Variants in TRABD2B observed in about 807,000 individuals in gnomAD.
The protein encoded by TRABD2B is TraB domain containing 2B, also known as metalloprotease TIKI2.
A neutral mutation model predicts 40.1 loss-of-function variants in TRABD2B; 14 were observed. The observed-to-expected ratio is 0.35, with a 90% confidence interval of 0.23 to 0.55. The LOEUF (loss-of-function observed/expected upper bound fraction) is 0.55, where lower values mean the gene tolerates loss of function less well. Among genes scored for constraint, TRABD2B ranks in the 20% least tolerant of loss-of-function variants. TRABD2B has a pLI of 0.90. For missense variants in TRABD2B, 541 were observed against 648.6 expected, an observed-to-expected ratio of 0.83 and a Z score of 1.80; for synonymous variants, 263 against 277.0, an observed-to-expected ratio of 0.95 and a Z score of 0.50.
In TRABD2B at chr1:47,785,693, C is replaced by T. The variant is rs1644586288; in HGVS notation, c.989-7149G>A. ...AGGCAATGGCCATGCAGGCTGATTCCAGGTCAGCACAGGACAGAGCCTGTG... is the reference window on the plus strand; with the variant it reads ...AGGCAATGGCCATGCAGGCTGATTCTAGGTCAGCACAGGACAGAGCCTGTG... On this transcript the variant is annotated intron_variant, in intron 4 of 6. Transcript: ENST00000606738. 2.6e-5 allele frequency among the ~76,000 whole-genome samples: 4 copies of T among 152,210 alleles called. No individual in the cohort carries two copies. In the South Asian group the frequency reaches 8.3e-4, roughly 32 times the overall value.
intron 2 of TRABD2B, among the ~76,000 whole-genome samples, chr1:47,974,479 C>T (rs1481204089): frequency 1.3e-5 from 2 of 152,192 alleles, no homozygotes; most frequent in Non-Finnish European, 2.9e-5. Flanking sequence ...AGCCTGGTCC[C>T]TCTCTAGCCT....
chr1:47,964,144 T>C (rs1645563669), intron 2 of TRABD2B, among the ~76,000 whole-genome samples: 1 of 152,210 alleles, frequency 6.6e-6, no homozygotes, highest in African/African-American at 2.4e-5. Flanking sequence ...CCTGGAATGT[T>C]GGACCGAGTT....
At chr1:47,771,631 A>G (rs958157002) in intron 6 of TRABD2B, among the ~76,000 whole-genome samples, 2 of 152,204 alleles carry the variant, frequency 1.3e-5, no homozygotes, top group African/African-American at 4.8e-5. Flanking sequence ...CCCACGCTGC[A>G]CAGAAATGAC....
chr1:47,964,557 G>A (rs1000415976), intron 2 of TRABD2B, among the ~76,000 whole-genome samples: 3 of 152,110 alleles, frequency 2.0e-5, no homozygotes, highest in Non-Finnish European at 4.4e-5. Flanking sequence ...TGCCAGTCCA[G>A]GCTTCTAATC....
chr1:47,827,476 TGGCCAA>T (rs999258104), intron 2 of TRABD2B, among the ~76,000 whole-genome samples: 38 of 152,290 alleles, frequency 2.5e-4, no homozygotes, highest in Non-Finnish European at 4.6e-4. Context: ...GGGGTGGAGC[TGGCCAA>T]GGGAGCTCCT....
intron 2 of TRABD2B, among the ~76,000 whole-genome samples, chr1:47,805,866 T>C (rs531770119): frequency 2.0e-3 from 296 of 151,598 alleles, no homozygotes; most frequent in South Asian, 7.9e-3. Context: ...TTGCCAAAGG[T>C]GACAAAGCTG....
rs1236008749 is a variant in TRABD2B at position 47,794,724 on chromosome 1, C to G, written c.850G>C (p.Glu284Gln). 20 of 1,532,948 alleles carry G rather than the reference C, an allele frequency of 1.3e-5. No homozygotes were observed. In the Admixed American group the frequency reaches 3.9e-4, roughly 30 times the overall value. The allele number at this position is 1,532,948 out of a possible 1,614,324, so 95.0% of individuals were successfully genotyped here. A position where few individuals can be genotyped will look rare whatever the true frequency, so the allele number is the denominator to read the frequency against. ...TCAATCTCCTGGGCCGTCACCTGCT[C>G]GTGTGGCGGGAGGGTGGTGTTGATA... ...NFINTTLPPH[E>Q]QVTAQEIDSY... Residue 284 changes from glutamate to glutamine, a missense_variant, in exon 4 of 7, where the codon GAG becomes CAG. Physicochemically the swap from Glu to Gln is conservative, Grantham distance 29 (BLOSUM62 2). Transcript: ENST00000606738.
intron 2 of TRABD2B, among the ~76,000 whole-genome samples, chr1:47,970,749 C>A (rs1645669671): frequency 1.3e-5 from 2 of 152,122 alleles, no homozygotes; most frequent in African/African-American, 4.8e-5. Flanking sequence ...GGACTCAGGT[C>A]TGCTGTGTGC....
At chr1:47,820,449 A>G (rs776889082) in intron 2 of TRABD2B, among the ~76,000 whole-genome samples, 6 of 152,220 alleles carry the variant, frequency 3.9e-5, no homozygotes, top group Non-Finnish European at 8.8e-5. Context: ...ACGAGAACAC[A>G]TGTTTAGACA....
chr1:47,994,439 G>C lies in TRABD2B; in HGVS notation c.261C>G (p.Asp87Glu). The change falls in exon 2 of 7, where the codon GAC becomes GAG. Residue 87 changes from aspartate (D) to glutamate (E), a missense_variant. Transcript: ENST00000606738. This position sits in a 1 kb window ranked among gnomAD's most constrained non-coding sequence, Gnocchi z 6.7. ...CCGAGATGGTGTAGGGGTCTGTAAG[G>C]TCCAGCTCAAAGTAGACACGGGTGC... ...QASTRVYFEL[D>E]LTDPYTISAL... The C allele has an allele frequency of 6.5e-7, 1 of 1,536,170 alleles. No homozygotes were observed. Among genetic ancestry groups the C allele is most frequent in the Non-Finnish European group, 8.7e-7 (1 of 1,146,918 alleles).
chr1:47,894,022 T>C (rs1230703065), intron 2 of TRABD2B, among the ~76,000 whole-genome samples: 1 of 152,218 alleles, frequency 6.6e-6, no homozygotes, highest in South Asian at 2.1e-4. Context: ...CTTACTTATA[T>C]TGTCAGCCTA....
intron 2 of TRABD2B, among the ~76,000 whole-genome samples, chr1:47,937,381 T>C (rs550767647): frequency 1.3e-5 from 2 of 151,408 alleles, no homozygotes; most frequent in South Asian, 2.1e-4. Context: ...ATCATCACCA[T>C]CACCATCATA....
chr1:47,778,012 G>T (rs780807955), intron 5 of TRABD2B, among the ~76,000 whole-genome samples: 20 of 152,318 alleles, frequency 1.3e-4, no homozygotes, highest in Admixed American at 3.9e-4. Flanking sequence ...GACAGCAACG[G>T]AGAAGGTGAG....
At chr1:47,987,750 AG>A (rs1645940207) in intron 2 of TRABD2B, among the ~76,000 whole-genome samples, 1 of 152,184 alleles carries the variant, frequency 6.6e-6, no homozygotes, top group Non-Finnish European at 1.5e-5. Flanking sequence ...GGTCCCTGCT[AG>A]GGGACACCCG....
chr1:47,835,929 G>A (rs1303197466), intron 2 of TRABD2B, among the ~76,000 whole-genome samples: 1 of 152,190 alleles, frequency 6.6e-6, no homozygotes, highest in Non-Finnish European at 1.5e-5. Flanking sequence ...TTCTTCATTT[G>A]TGACTTTTTT....
chr1:47,762,260 G>C lies in TRABD2B; in HGVS notation c.*3642C>G, dbSNP rs1444164031. 1.3e-5 allele frequency: 2 copies of C among 152,214 alleles called. No individual in the cohort carries two copies. The highest frequency in any genetic ancestry group is 2.9e-5 in the Non-Finnish European group (2 of 68,058). The allele number at this position is 152,214 out of a possible 1,614,324, so 9.4% of individuals were successfully genotyped here. ...ACATGAGAGACGTGGCTGGTCAGCA[G>C]GGTTGGGTCACGAAGGGTCTAGCGG... is the stretch of plus-strand genomic sequence containing the variant. On this transcript the variant is annotated 3_prime_UTR_variant, in exon 7 of 7. Coordinates refer to ENST00000606738, the MANE Select transcript of TRABD2B (RefSeq NM_001194986.2).
intron 2 of TRABD2B, among the ~76,000 whole-genome samples, chr1:47,963,990 C>T (rs1215894150): frequency 1.3e-5 from 2 of 152,214 alleles, no homozygotes; most frequent in East Asian, 3.8e-4. Flanking sequence ...AGGCCATGGT[C>T]ACCGTGAGGC....
intron 2 of TRABD2B, among the ~76,000 whole-genome samples, chr1:47,911,755 G>A (rs1489464000): frequency 2.0e-5 from 3 of 152,220 alleles, no homozygotes; most frequent in Non-Finnish European, 4.4e-5. Context: ...CCACCAGGAC[G>A]GGCTACATAA....
chr1:47,769,183 TA>T (rs11398500), intron 6 of TRABD2B, among the ~76,000 whole-genome samples: 2 of 150,758 alleles, frequency 1.3e-5, no homozygotes, highest in African/African-American at 2.4e-5. Flanking sequence ...AAAACAAAAA[TA>T]AAAAAAAAGA....
Sources: allele counts gnomAD v4.1 joint callset (sites outside exome capture counted in the v4.1 genomes callset), GRCh38; gene constraint gnomAD v4.1.1; non-coding constraint Gnocchi (gnomAD v3.1); transcripts MANE v1.5; gene names NCBI Gene and HGNC (gene_info 2026-07-23, HGNC 2026-07-21).